Variants in SPOCK1 observed in about 807,000 individuals in gnomAD.
The protein encoded by SPOCK1 is SPARC (osteonectin), cwcv and kazal like domains proteoglycan 1, also known as testican-1.
In SPOCK1, 23 loss-of-function variants were observed where a neutral mutation model predicts 55.3. That is an observed-to-expected ratio of 0.42 (90% confidence interval 0.30 to 0.59). The LOEUF is 0.59. SPOCK1 is among the 20% of genes least tolerant of loss of function. The probability of loss-of-function intolerance (pLI) is 0.22; values close to 1 mark genes in which losing one functional copy is unlikely to be tolerated. For synonymous variants in SPOCK1, 226 were observed against 221.0 expected (o/e 1.02, Z -0.20); for missense variants, 499 against 552.5 (o/e 0.90, Z 0.97).
At chr5:137,260,038 A>G (rs1469613506) in intron 3 of SPOCK1, among the ~76,000 whole-genome samples, 1 of 152,234 alleles carries the variant, frequency 6.6e-6, no homozygotes, top group East Asian at 1.9e-4. Flanking sequence ...ATGGAAAACT[A>G]TTCTGCCTGA....
At chr5:137,011,123 T>G (rs1426214424) in intron 6 of SPOCK1, among the ~76,000 whole-genome samples, 2 of 152,160 alleles carry the variant, frequency 1.3e-5, no homozygotes, top group Admixed American at 1.3e-4. Flanking sequence ...AGATGGTGAT[T>G]TGGAGGTAAC....
At chr5:137,169,145 T>C (rs1256523834) in intron 3 of SPOCK1, among the ~76,000 whole-genome samples, 1 of 151,836 alleles carries the variant, frequency 6.6e-6, no homozygotes, top group Non-Finnish European at 1.5e-5. Context: ...CAATTGAATG[T>C]ATGGATATAG....
intron 2 of SPOCK1, among the ~76,000 whole-genome samples, chr5:137,276,691 G>A (rs932568828): frequency 6.6e-6 from 1 of 152,224 alleles, no homozygotes. Context: ...GGAGGTTTCT[G>A]AGGAAGGTGA....
intron 5 of SPOCK1, among the ~76,000 whole-genome samples, chr5:137,104,530 G>A (rs1467243464): frequency 6.6e-6 from 1 of 152,204 alleles, no homozygotes; most frequent in Non-Finnish European, 1.5e-5. Context: ...GCCATGGACT[G>A]CTACTGGTCT....
chr5:137,428,381 G>C (rs1024642926), intron 2 of SPOCK1, among the ~76,000 whole-genome samples: 23 of 152,138 alleles, frequency 1.5e-4, no homozygotes, highest in African/African-American at 5.6e-4. Context: ...CAGTTCAGAG[G>C]CAATCACAGC....
chr5:137,109,564 G>A (rs767294800), intron 5 of SPOCK1, among the ~76,000 whole-genome samples: 7 of 152,072 alleles, frequency 4.6e-5, no homozygotes, highest in African/African-American at 1.4e-4. Context: ...TTATAATACC[G>A]AGTATCCCTC....
chr5:137,161,856 A>G (rs1754563925), intron 3 of SPOCK1, among the ~76,000 whole-genome samples: 2 of 152,148 alleles, frequency 1.3e-5, no homozygotes, highest in African/African-American at 2.4e-5. Context: ...CAGCTATCCA[A>G]TTTCCATTAC....
intron 6 of SPOCK1, among the ~76,000 whole-genome samples, chr5:137,016,532 C>A (rs1407116527): frequency 2.6e-5 from 4 of 152,148 alleles, no homozygotes; most frequent in Admixed American, 6.5e-5. Context: ...CTGTGGGAAA[C>A]AGGCTTGTAC....
At chr5:137,362,118 C>T (rs569158703) in intron 2 of SPOCK1, among the ~76,000 whole-genome samples, 2 of 152,074 alleles carry the variant, frequency 1.3e-5, no homozygotes, top group African/African-American at 2.4e-5. Flanking sequence ...ATCTTCAGAG[C>T]CATCAAGACC....
chr5:137,395,679 G>A (rs753326448), intron 2 of SPOCK1, among the ~76,000 whole-genome samples: 20 of 152,248 alleles, frequency 1.3e-4, no homozygotes, highest in Non-Finnish European at 2.5e-4. Context: ...GAGGTGAGGT[G>A]GTTGATGGAG....
intron 2 of SPOCK1, among the ~76,000 whole-genome samples, chr5:137,278,200 A>C (rs557857023): frequency 2.6e-5 from 4 of 152,196 alleles, no homozygotes; most frequent in Non-Finnish European, 5.9e-5. Context: ...AGACTGTCCT[A>C]GCTGCCACCT....
chr5:137,490,260 A>G (rs1754146057), intron 2 of SPOCK1, among the ~76,000 whole-genome samples: 1 of 152,220 alleles, frequency 6.6e-6, no homozygotes, highest in Admixed American at 6.5e-5. Flanking sequence ...GAACTGAAGA[A>G]CTGGGTCTTT....
At chr5:137,076,602 G>C (rs13169741) in intron 5 of SPOCK1, among the ~76,000 whole-genome samples, 82,833 of 132,790 alleles carry the variant, frequency 0.62, 25,119 homozygotes, top group South Asian at 0.75. Context: ...ATACTGGACT[G>C]AAAGTAAAAA....
At chr5:137,223,222 A>G (rs1755888969) in intron 3 of SPOCK1, among the ~76,000 whole-genome samples, 1 of 141,344 alleles carries the variant, frequency 7.1e-6, no homozygotes, top group South Asian at 2.3e-4. Context: ...CCCAATCATG[A>G]TATGAGAAAA....
intron 5 of SPOCK1, among the ~76,000 whole-genome samples, chr5:137,108,446 C>A (rs553538241): frequency 2.0e-5 from 3 of 152,254 alleles, no homozygotes; most frequent in East Asian, 1.9e-4. Flanking sequence ...TGCCAAGAAC[C>A]AACACCCATG....
chr5:137,057,917 A>C (rs1000008198), intron 6 of SPOCK1, among the ~76,000 whole-genome samples: 1 of 152,234 alleles, frequency 6.6e-6, no homozygotes, highest in Non-Finnish European at 1.5e-5. Context: ...TAGCTATCAG[A>C]AAAGCATAAT....
chr5:137,022,554 G>A (rs1200938250), intron 6 of SPOCK1, among the ~76,000 whole-genome samples: 2 of 152,152 alleles, frequency 1.3e-5, no homozygotes. Context: ...AGAGGAAAGA[G>A]GATATAGAAT....
chr5:137,488,793 T>C (rs181336187), intron 2 of SPOCK1, among the ~76,000 whole-genome samples: 1 of 152,302 alleles, frequency 6.6e-6, no homozygotes, highest in East Asian at 1.9e-4. Context: ...AAATGCCTGC[T>C]CACCTACCAC....
chr5:137,353,498 A>C (rs2127162027), intron 2 of SPOCK1, among the ~76,000 whole-genome samples: 1 of 152,294 alleles, frequency 6.6e-6, no homozygotes, highest in African/African-American at 2.4e-5. Flanking sequence ...TGCTGACCCC[A>C]CACCTGCCAC....
Sources: allele counts gnomAD v4.1 joint callset (sites outside exome capture counted in the v4.1 genomes callset), GRCh38; gene constraint gnomAD v4.1.1; transcripts MANE v1.5; gene names NCBI Gene and HGNC (gene_info 2026-07-23, HGNC 2026-07-21).